Variants in PARD3 observed in about 807,000 individuals in gnomAD.
PARD3 encodes the protein par-3 family cell polarity regulator, also known as partitioning defective 3 homolog.
Under a neutral mutation model 155.4 loss-of-function variants are expected in PARD3, and 75 were observed. The observed-to-expected ratio is 0.48, with a 90% CI of 0.40 to 0.58. PARD3 has a LOEUF of 0.58. Among genes scored for constraint, PARD3 ranks in the 20% least tolerant of loss-of-function variants. PARD3 has a pLI of 0.00. For missense variants in PARD3, 1,642 were observed against 1,721.7 expected (o/e 0.95, Z 0.82); for synonymous variants, 576 against 610.5 (o/e 0.94, Z 0.83).
At chr10:34,145,201 ATATATATATATATATATATAT>A (rs1213215079) in intron 22 of PARD3, among the ~76,000 whole-genome samples, 3 of 59,068 alleles carry the variant, frequency 5.1e-5, no homozygotes, top group African/African-American at 1.8e-4. Flanking sequence ...ATATATATAT[ATATATATATATATATATATAT>A]TTTTTTTTTT....
chr10:34,112,252 T>A (rs979933492), intron 24 of PARD3, among the ~76,000 whole-genome samples: 1 of 152,200 alleles, frequency 6.6e-6, no homozygotes, highest in Non-Finnish European at 1.5e-5. Context: ...TACATTTACC[T>A]TCACCAAAGG....
At position 34,269,453 on chromosome 10, in the gene PARD3, A is replaced by G. The variant is rs1015569259; in HGVS notation, c.3419+204T>C. On this transcript the variant is annotated intron_variant, in intron 22 of 24. Coordinates refer to ENST00000374788, the MANE Select transcript of PARD3 (RefSeq NM_001184785.2). ...GAACAAAATGAAATATGTTGGAATCATTAGAAAAGCCATCAAAACCTCTGC... is the reference window on the plus strand; with the variant it reads ...GAACAAAATGAAATATGTTGGAATCGTTAGAAAAGCCATCAAAACCTCTGC... Among the ~76,000 whole-genome samples the G allele has an allele frequency of 2.6e-5, 4 of 152,228 alleles. No homozygotes were observed. The East Asian group carries it at 7.7e-4, about 29-fold the overall frequency.
At chr10:34,722,007 A>C (rs1259305373) in intron 1 of PARD3, among the ~76,000 whole-genome samples, 1 of 152,046 alleles carries the variant, frequency 6.6e-6, no homozygotes, top group Non-Finnish European at 1.5e-5. Flanking sequence ...GTGAGATCCC[A>C]TCTCTAAAAA....
intron 22 of PARD3, among the ~76,000 whole-genome samples, chr10:34,184,939 C>T (rs1721884931): frequency 6.6e-6 from 1 of 152,186 alleles, no homozygotes; most frequent in African/African-American, 2.4e-5. Context: ...TGAGTGATGA[C>T]ATTCTGCTCA....
chr10:34,666,816 T>TATATATATATATATATATACACACAC (rs765552982), intron 2 of PARD3, among the ~76,000 whole-genome samples: 1 of 88,768 alleles, frequency 1.1e-5, no homozygotes, highest in Non-Finnish European at 2.0e-5. Flanking sequence ...TATATATATA[T>TATATATATATATATATATACACACAC]ACACACACAC....
At chr10:34,528,548 G>A (rs977682639) in intron 2 of PARD3, among the ~76,000 whole-genome samples, 2 of 152,058 alleles carry the variant, frequency 1.3e-5, no homozygotes, top group Non-Finnish European at 2.9e-5. Flanking sequence ...GTTTTGTTTT[G>A]TTTTGTTTTT....
At chr10:34,457,273 A>T (rs2077387845) in intron 4 of PARD3, among the ~76,000 whole-genome samples, 1 of 152,216 alleles carries the variant, frequency 6.6e-6, no homozygotes, top group Non-Finnish European at 1.5e-5. Context: ...CTCTGAAGCC[A>T]CTGGATCTGT....
chr10:34,628,690 C>T (rs1025157372), intron 2 of PARD3, among the ~76,000 whole-genome samples: 1 of 152,086 alleles, frequency 6.6e-6, no homozygotes, highest in Non-Finnish European at 1.5e-5. Flanking sequence ...AGCCACACTG[C>T]GCAGCACTGA....
intron 2 of PARD3, among the ~76,000 whole-genome samples, chr10:34,524,880 G>A (rs1469939507): frequency 6.6e-6 from 1 of 152,132 alleles, no homozygotes; most frequent in Non-Finnish European, 1.5e-5. Context: ...TGGTAAGACT[G>A]GCAAATGGGC....
intron 2 of PARD3, among the ~76,000 whole-genome samples, chr10:34,666,776 C>A (rs1262704227): frequency 1.0e-3 from 1 of 996 alleles, no homozygotes; most frequent in African/African-American, 3.9e-3. Flanking sequence ...ACCCCTCCCC[C>A]TAAAAAAAAA....
At chr10:34,451,431 T>C (rs979836084) in intron 4 of PARD3, among the ~76,000 whole-genome samples, 2 of 152,160 alleles carry the variant, frequency 1.3e-5, no homozygotes, top group Non-Finnish European at 2.9e-5. Flanking sequence ...AAGTATTACA[T>C]GTGTGATTGA....
chr10:34,517,179 G>T lies in PARD3; in HGVS notation c.223-20C>A. The T allele has an allele frequency of 1.9e-6, 3 of 1,607,510 alleles. No homozygotes were observed. The highest frequency in any genetic ancestry group is 2.5e-6 in the Non-Finnish European group (3 of 1,176,602). On this transcript the variant is annotated intron_variant, in intron 2 of 24. Transcript: ENST00000374788. ...TACCAGCTAGAAATGAAAGGTAAAT[G>T]TGCACTTATAAATAAAGGCACTTAA...
At chr10:34,574,931 A>C (rs573619724) in intron 2 of PARD3, among the ~76,000 whole-genome samples, 41 of 152,302 alleles carry the variant, frequency 2.7e-4, no homozygotes, top group Non-Finnish European at 5.0e-4. Flanking sequence ...TTTCCACAGG[A>C]GTCTTTATTA....
chr10:34,731,878 G>T (rs1421097688), intron 1 of PARD3, among the ~76,000 whole-genome samples: 1 of 152,140 alleles, frequency 6.6e-6, no homozygotes, highest in Non-Finnish European at 1.5e-5. Flanking sequence ...TAAATTCAGT[G>T]AGACAAGTAT....
intron 2 of PARD3, among the ~76,000 whole-genome samples, chr10:34,684,195 G>T (rs2093899641): frequency 6.6e-6 from 1 of 152,164 alleles, no homozygotes; most frequent in African/African-American, 2.4e-5. Context: ...AGCAGAAGTA[G>T]AATATGGAGT....
intron 11 of PARD3, among the ~76,000 whole-genome samples, chr10:34,374,273 A>G (rs896078585): frequency 2.0e-5 from 3 of 152,204 alleles, no homozygotes; most frequent in Admixed American, 2.0e-4. Flanking sequence ...TGGAAAGTGA[A>G]GGAGATAGGT....
Position 34,371,486 on chromosome 10 carries a change from CAAAAAAAAAAAAAAAAAAA to C in PARD3, c.1707+993_1707+1011del, listed in dbSNP as rs968034029. 1.9e-3 allele frequency among the ~76,000 whole-genome samples: 43 copies of C among 22,742 alleles called. 1 individual carries two copies. The highest frequency in any genetic ancestry group is 6.4e-3 in the East Asian group (4 of 622). 14.9% of individuals were successfully genotyped at this position (22,742 alleles called of 152,430 possible). On this transcript the variant is annotated intron_variant, in intron 12 of 24. Transcript: ENST00000374788. ...ATGAAATATGGTGAGATTCTAGACT[CAAAAAAAAAAAAAAAAAAA>C]AAAAAAAAAAAAAAAAAAAAAAAAA...
chr10:34,678,187 A>G (rs2093746769), intron 2 of PARD3, among the ~76,000 whole-genome samples: 1 of 151,810 alleles, frequency 6.6e-6, no homozygotes, highest in Non-Finnish European at 1.5e-5. Flanking sequence ...TGATTCTCCC[A>G]CCTCGGCCTC....
intron 15 of PARD3, chr10:34,344,872 C>T (rs1837235965): frequency 2.0e-6 from 2 of 985,238 alleles, no homozygotes; most frequent in Non-Finnish European, 2.4e-6. Context: ...TTCAGAAGTA[C>T]AGAAAGTGTG....
Sources: gnomAD v4.1 joint callset for allele counts (sites outside exome capture counted in the v4.1 genomes callset) on GRCh38, gnomAD v4.1.1 for gene constraint, MANE v1.5 for transcripts, NCBI Gene and HGNC (gene_info 2026-07-23, HGNC 2026-07-21) for gene names.